The following DUSP2 variants were observed in gnomAD, a reference collection of about 807,000 sequenced individuals.
DUSP2 encodes dual specificity protein phosphatase 2.
A neutral mutation model predicts 23.3 loss-of-function variants in DUSP2; 20 were observed. The observed-to-expected ratio is 0.86, with a 90% CI of 0.60 to 1.25. The LOEUF (loss-of-function observed/expected upper bound fraction) is 1.25. Ranked by LOEUF, DUSP2 falls within the 50% of genes most tolerant of loss-of-function variation. DUSP2 has a pLI of 0.00. For synonymous variants in DUSP2, 231 were observed against 209.7 expected, an observed-to-expected ratio of 1.10 and a Z score of -0.88; for missense variants, 435 against 452.6, an observed-to-expected ratio of 0.96 and a Z score of 0.35.
At chr2:96,144,935 T>C (rs1345488455) in intron 1 of DUSP2, 32 bp downstream of exon 1, 1 of 1,547,734 alleles carries the variant, frequency 6.5e-7, no homozygotes, top group Non-Finnish European at 8.7e-7. Flanking sequence ...TGGAGTCGGG[T>C]GGGGCGGGCC....
Position 96,145,369 on chromosome 2 carries a change from C to A in DUSP2, c.-15G>T. On this transcript the variant is annotated 5_prime_UTR_variant, in exon 1 of 4. Coordinates refer to ENST00000288943, the MANE Select transcript of DUSP2 (RefSeq NM_004418.4). ...TCCAGCCCCATGGCCACCGGTGCCTCTTCCTCTTCCTTTCGGTCTTTCCCG... is the reference window on the plus strand; with the variant it reads ...TCCAGCCCCATGGCCACCGGTGCCTATTCCTCTTCCTTTCGGTCTTTCCCG... The A allele has an allele frequency of 7.2e-7, 1 of 1,384,740 alleles. No individual in the cohort carries two copies. Among genetic ancestry groups the A allele is most frequent in the Non-Finnish European group, 9.3e-7 (1 of 1,070,660 alleles). The allele number at this position is 1,384,740 out of a possible 1,614,324, so 85.8% of individuals were successfully genotyped here.
chr2:96,144,127 G>C (rs1199885493), intron 3 of DUSP2, 27 bp downstream of exon 3: 1 of 1,613,320 alleles, frequency 6.2e-7, no homozygotes, highest in Non-Finnish European at 8.5e-7. Flanking sequence ...AGCCCCTCGG[G>C]ATTTCTGGGC....
Position 96,145,247 on chromosome 2 carries a change from C to T in DUSP2, c.108G>A (p.Leu36=). 12 of 1,285,356 alleles carry T rather than the reference C, an allele frequency of 9.3e-6. No homozygotes were observed. Among genetic ancestry groups the T allele is most frequent in the Non-Finnish European group, 1.2e-5 (12 of 1,022,442 alleles). 79.6% of individuals were successfully genotyped at this position (1,285,356 alleles called of 1,614,324 possible). ...RTLLLDCRPF[L]AFCRRHVRAA... The stretch of plus-strand genomic sequence containing the variant: ...CGCGCACGTGGCGCCGGCAGAAGGC[C>T]AGGAAGGGGCGGCAGTCCAGCAGCA... Residue 36 remains leucine (L), a synonymous_variant, in exon 1 of 4, where the codon CTG becomes CTA. Transcript: ENST00000288943.
chr2:96,143,364 A>G lies in DUSP2; in HGVS notation c.*459T>C, dbSNP rs1256222129. 5.6e-6 allele frequency: 1 copy of G among 177,412 alleles called. No individual in the cohort carries two copies. The highest frequency in any genetic ancestry group is 1.2e-5 in the Non-Finnish European group (1 of 82,660). The allele number at this position is 177,412 out of a possible 1,614,324, so 11.0% of individuals were successfully genotyped here. ...CTCACAGACAGACACACGCAACATG[A>G]CACACCCATCACTTCCCAAGTCCCC... On this transcript the variant is annotated 3_prime_UTR_variant, in exon 4 of 4. Transcript: ENST00000288943.
intron 2 of DUSP2, 103 bp downstream of exon 2, chr2:96,144,658 T>C (rs779120684): frequency 8.8e-7 from 1 of 1,133,692 alleles, no homozygotes; most frequent in Admixed American, 2.8e-5. Context: ...TGTGTGTATA[T>C]GGGCAAACTG....
Position 96,144,358 on chromosome 2 carries a change from T to G in DUSP2, c.526A>C (p.Ile176Leu). Residue 176 changes from isoleucine to leucine, a missense_variant, in exon 3 of 4, where the codon ATC (isoleucine) becomes CTC (leucine). Transcript: ENST00000288943. ...PVYDQGGPVE[I>L]LPYLFLGSCS... is the part of the protein sequence containing the mutation. ...CTGCCCAGGAACAGGTAGGGCAAGATCTCCACAGGGCCACCCTGGAGGGAA... is the reference window on the plus strand; with the variant it reads ...CTGCCCAGGAACAGGTAGGGCAAGAGCTCCACAGGGCCACCCTGGAGGGAA... 1.9e-6 allele frequency: 3 copies of G among 1,613,308 alleles called. No homozygotes were observed. Among genetic ancestry groups the G allele is most frequent in the Non-Finnish European group, 2.5e-6 (3 of 1,179,910 alleles).
At position 96,144,746 on chromosome 2, in the gene DUSP2, G is replaced by C; in HGVS notation, c.510+15C>G. Reference sequence around the variant, plus strand: ...GGGAGAGAGGGAGGTTCGGGGGAGGGGGGTCAATACTCACCTGGTCGTAGA... The same window carrying C: ...GGGAGAGAGGGAGGTTCGGGGGAGGCGGGTCAATACTCACCTGGTCGTAGA... On this transcript the variant is annotated intron_variant, in intron 2 of 3. Coordinates refer to ENST00000288943, the MANE Select transcript of DUSP2 (RefSeq NM_004418.4). 1 of 1,548,140 alleles carries C rather than the reference G, an allele frequency of 6.5e-7. No individual in the cohort carries two copies. Among genetic ancestry groups the C allele is most frequent in the Non-Finnish European group, 8.7e-7 (1 of 1,146,782 alleles).
chr2:96,145,379 C>A lies in DUSP2; in HGVS notation c.-25G>T. The stretch of plus-strand genomic sequence containing the variant: ...TGGCCACCGGTGCCTCTTCCTCTTC[C>A]TTTCGGTCTTTCCCGCGTCCCGGGC... On this transcript the variant is annotated 5_prime_UTR_variant, in exon 1 of 4. In the 5' UTR this introduces an upstream ATG that the reference lacks. Transcript: ENST00000288943. The A allele has an allele frequency of 7.3e-7, 1 of 1,371,034 alleles. No homozygotes were observed. The allele number at this position is 1,371,034 out of a possible 1,614,324, so 84.9% of individuals were successfully genotyped here.
chr2:96,145,022 C>T lies in DUSP2; in HGVS notation c.333G>A (p.Leu111=). 6.5e-7 allele frequency: 1 copy of T among 1,538,394 alleles called. No homozygotes were observed. The highest frequency in any genetic ancestry group is 8.7e-7 in the Non-Finnish European group (1 of 1,148,146). Residue 111 remains leucine (L), a synonymous_variant, in exon 1 of 4, where the codon CTG becomes CTA. Coordinates refer to ENST00000288943, the MANE Select transcript of DUSP2 (RefSeq NM_004418.4). ...LRPDSPAHVL[L]AALLHETRAG... ...CGCGGGTCTCGTGCAGCAGCGCGGC[C>T]AGCAGCACATGAGCCGGGCTGTCGG...
chr2:96,144,831 G>C lies in DUSP2; in HGVS notation c.440C>G (p.Pro147Arg), dbSNP rs370602049. Reference protein sequence around the residue: ...GCCPDLCSEAPAPALPPTGDK... With the variant: ...GCCPDLCSEARAPALPPTGDK... ...CCCTGTTGGCGGCAGCGCAGGGGCG[G>C]GGGCCTCAGAGCACAGATCGGGACA... Residue 147 changes from proline to arginine, a missense_variant, in exon 2 of 4, where the codon CCC becomes CGC. Physicochemically the swap from Pro to Arg is moderately radical, Grantham distance 103. Transcript: ENST00000288943. 8.8e-5 allele frequency: 137 copies of C among 1,563,182 alleles called. No individual in the cohort carries two copies. The highest frequency in any genetic ancestry group is 1.1e-4 in the Non-Finnish European group (129 of 1,154,830).
Position 96,143,832 on chromosome 2 carries a change from C to T in DUSP2, c.936G>A (p.Leu312=). ...GQLLQFETQV[L]CH is the part of the protein sequence containing the mutation. Reference sequence around the variant, plus strand: ...GCAGAGGGGCACCACCTCAGTGACACAGCACCTGGGTCTCAAACTGCAGCA... The same window carrying T: ...GCAGAGGGGCACCACCTCAGTGACATAGCACCTGGGTCTCAAACTGCAGCA... The change falls in exon 4 of 4, where the codon CTG becomes CTA. Residue 312 remains leucine (L), a synonymous_variant. Transcript: ENST00000288943. 1.9e-6 allele frequency: 3 copies of T among 1,612,982 alleles called. No homozygotes were observed. The highest frequency in any genetic ancestry group is 1.7e-6 in the Non-Finnish European group (2 of 1,179,974).
Position 96,143,841 on chromosome 2 carries a change from G to T in DUSP2, c.927C>A (p.Thr309=), listed in dbSNP as rs781733980. The T allele has an allele frequency of 1.2e-6, 2 of 1,613,158 alleles. No homozygotes were observed. The highest frequency in any genetic ancestry group is 2.2e-5 in the East Asian group (1 of 44,892). Residue 309 remains threonine (T), a synonymous_variant, in exon 4 of 4, where the codon ACC becomes ACA. Transcript: ENST00000288943. The part of the protein sequence containing the change: ...SFMGQLLQFE[T]QVLCH ...CACCACCTCAGTGACACAGCACCTG[G>T]GTCTCAAACTGCAGCAGCTGCCCCA... is the stretch of plus-strand genomic sequence containing the variant.
Position 96,144,874 on chromosome 2 carries a change from C to T in DUSP2, c.397G>A (p.Asp133Asn). 1.3e-6 allele frequency: 2 copies of T among 1,549,250 alleles called. No individual in the cohort carries two copies. Among genetic ancestry groups the T allele is most frequent in the Non-Finnish European group, 1.7e-6 (2 of 1,145,894 alleles). Residue 133 changes from aspartate to asparagine, a missense_variant, in exon 2 of 4, where the codon GAC becomes AAC. By Grantham distance (23) the Asp-to-Asn change is conservative. Coordinates refer to ENST00000288943, the MANE Select transcript of DUSP2 (RefSeq NM_004418.4). Reference protein sequence around the residue: ...TAVYFLRGGFDGFQGCCPDLC... With the variant: ...TAVYFLRGGFNGFQGCCPDLC... ...TCGGGACAGCAGCCCTGGAAGCCGT[C>T]GAAGCCTCCTGCAAGGAGGGGAAGA...
Position 96,145,314 on chromosome 2 carries a change from A to C in DUSP2, c.41T>G (p.Leu14Arg). ...EAARELECAA[L>R]GTLLRDPREA... is the part of the protein sequence containing the mutation. ...CCGCGGATCCCGCAGCAGCGTGCCC[A>C]GCGCCGCGCACTCCAGCTCGCGCGC... The change falls in exon 1 of 4, where the codon CTG (leucine) becomes CGG (arginine). Residue 14 changes from leucine (L) to arginine (R), a missense_variant. By Grantham distance (102) the Leu-to-Arg change is moderately radical (BLOSUM62 -2). Transcript: ENST00000288943. 6 of 1,421,346 alleles carry C rather than the reference A, an allele frequency of 4.2e-6. No individual in the cohort carries two copies. The highest frequency in any genetic ancestry group is 5.5e-6 in the Non-Finnish European group (6 of 1,090,090). The allele number at this position is 1,421,346 out of a possible 1,614,324, so 88.0% of individuals were successfully genotyped here. A position where few individuals can be genotyped will look rare whatever the true frequency, so the allele number is the denominator to read the frequency against.
chr2:96,144,741 G>T lies in DUSP2; in HGVS notation c.510+20C>A. ...CGGCGGGGAGAGAGGGAGGTTCGGG[G>T]GAGGGGGGTCAATACTCACCTGGTC... On this transcript the variant is annotated intron_variant, in intron 2 of 3. Coordinates refer to ENST00000288943, the MANE Select transcript of DUSP2 (RefSeq NM_004418.4). The T allele has an allele frequency of 6.5e-7, 1 of 1,540,488 alleles. No homozygotes were observed. Among genetic ancestry groups the T allele is most frequent in the Non-Finnish European group, 8.8e-7 (1 of 1,142,536 alleles).
rs755773859 is a variant in DUSP2 at position 96,144,352 on chromosome 2, G to C, written c.532C>G (p.Pro178Ala). Residue 178 changes from proline (P) to alanine (A), a missense_variant, in exon 3 of 4, where the codon CCC becomes GCC. Transcript: ENST00000288943. ...CTGCAGCTGCCCAGGAACAGGTAGG[G>C]CAAGATCTCCACAGGGCCACCCTGG... ...YDQGGPVEIL[P>A]YLFLGSCSHS... 6.2e-7 allele frequency: 1 copy of C among 1,613,416 alleles called. No individual in the cohort carries two copies. Among genetic ancestry groups the C allele is most frequent in the African/African-American group, 1.3e-5 (1 of 74,972 alleles).
rs1573922193 is a variant in DUSP2, at chr2:96,144,037, T to A, written c.731A>T (p.Asp244Val). The change falls in exon 4 of 4, where the codon GAC becomes GTC. Residue 244 changes from aspartate (D) to valine (V), a missense_variant and splice_region_variant. Asp to Val is a radical substitution (Grantham distance 152). Coordinates refer to ENST00000288943, the MANE Select transcript of DUSP2 (RefSeq NM_004418.4). ...CCGGCCTCCGCTGTTCTTCACCCAG[T>A]CTGCAAGGGAGATGGGGGAGTGGTG... ...AWFQEAIGFIDWVKNSGGRVL... is the reference protein window; with the variant it reads ...AWFQEAIGFIVWVKNSGGRVL... 31 of 1,613,584 alleles carry A rather than the reference T, an allele frequency of 1.9e-5. No homozygotes were observed. Among genetic ancestry groups the A allele is most frequent in the Non-Finnish European group, 2.4e-5 (28 of 1,179,970 alleles).
chr2:96,144,050 T>G lies in DUSP2; in HGVS notation c.731-13A>C. The G allele has an allele frequency of 6.2e-7, 1 of 1,613,406 alleles. No individual in the cohort carries two copies. The highest frequency in any genetic ancestry group is 8.5e-7 in the Non-Finnish European group (1 of 1,179,850). On this transcript the variant is annotated splice_polypyrimidine_tract_variant and intron_variant, in intron 3 of 3. Coordinates refer to ENST00000288943, the MANE Select transcript of DUSP2 (RefSeq NM_004418.4). ...TTCTTCACCCAGTCTGCAAGGGAGA[T>G]GGGGGAGTGGTGTCAGACGGAATGT... is the stretch of plus-strand genomic sequence containing the variant.
chr2:96,144,359 C>T lies in DUSP2; in HGVS notation c.525G>A (p.Glu175=). 1 of 1,613,520 alleles carries T rather than the reference C, an allele frequency of 6.2e-7. No individual in the cohort carries two copies. ...TGCCCAGGAACAGGTAGGGCAAGAT[C>T]TCCACAGGGCCACCCTGGAGGGAAC... is the stretch of plus-strand genomic sequence containing the variant. ...APVYDQGGPV[E]ILPYLFLGSC... Residue 175 remains glutamate, a synonymous_variant, in exon 3 of 4, where the codon GAG becomes GAA. Coordinates refer to ENST00000288943, the MANE Select transcript of DUSP2 (RefSeq NM_004418.4).
Sources: gnomAD v4.1 joint callset for allele counts on GRCh38, gnomAD v4.1.1 for gene constraint, MANE v1.5 for transcripts, NCBI Gene and HGNC (gene_info 2026-07-23, HGNC 2026-07-21) for gene names.